UBE2K: variants seen among roughly 807,000 people sequenced by gnomAD.
The protein encoded by UBE2K is ubiquitin conjugating enzyme E2 K.
In UBE2K, 6 loss-of-function variants were observed where a neutral mutation model predicts 30.0. The observed-to-expected ratio is 0.20, with a 90% confidence interval of 0.11 to 0.39. The LOEUF is 0.39. UBE2K is among the 10% of genes least tolerant of loss of function. The pLI is 1.00. For synonymous variants in UBE2K, 86 were observed against 83.7 expected (o/e 1.03, Z -0.15); for missense variants, 61 against 241.6 (o/e 0.25, Z 4.96).
intron 1 of UBE2K, among the ~76,000 whole-genome samples, chr4:39,721,000 G>A (rs1719391740): frequency 6.6e-6 from 1 of 152,082 alleles, no homozygotes; most frequent in African/African-American, 2.4e-5. Context: ...TCCTGCCTTG[G>A]CTTTCTAAAA....
intron 1 of UBE2K, among the ~76,000 whole-genome samples, chr4:39,715,204 A>AT (rs1718986826): frequency 6.7e-6 from 1 of 149,572 alleles, no homozygotes; most frequent in African/African-American, 2.5e-5. Context: ...TTTTTTTTGT[A>AT]TTTTTTAGTA....
At chr4:39,747,143 T>A (rs1481673320) in intron 3 of UBE2K, among the ~76,000 whole-genome samples, 1 of 152,250 alleles carries the variant, frequency 6.6e-6, no homozygotes, top group Non-Finnish European at 1.5e-5. Flanking sequence ...ATTAGTCTAT[T>A]GTTTATGTAC....
At chr4:39,728,381 G>A (rs1036988272) in intron 1 of UBE2K, among the ~76,000 whole-genome samples, 10 of 152,174 alleles carry the variant, frequency 6.6e-5, no homozygotes, top group African/African-American at 2.4e-4. Flanking sequence ...AGACTGAGGC[G>A]GGAGAATTGC....
intron 3 of UBE2K, among the ~76,000 whole-genome samples, chr4:39,754,788 T>A (rs888131507): frequency 6.6e-6 from 1 of 152,162 alleles, no homozygotes. Flanking sequence ...TTACAGTGTG[T>A]GAGTGCTAAT....
At chr4:39,760,176 C>CAAAAAAAAAAAAAAAAAAAA (rs71194913) in intron 4 of UBE2K, among the ~76,000 whole-genome samples, 2 of 77,178 alleles carry the variant, frequency 2.6e-5, no homozygotes, top group Non-Finnish European at 4.5e-5. Flanking sequence ...GACTCTGTCA[C>CAAAAAAAAAAAAAAAAAAAA]AAAAAAAAAA....
chr4:39,720,832 C>G (rs954108105), intron 1 of UBE2K, among the ~76,000 whole-genome samples: 5 of 152,152 alleles, frequency 3.3e-5, no homozygotes, highest in Admixed American at 3.3e-4. Context: ...TAACCCTGAA[C>G]TCCAGGGCTC....
intron 4 of UBE2K, chr4:39,770,521 C>A (rs1377371636): frequency 6.2e-7 from 1 of 1,605,646 alleles, no homozygotes; most frequent in Non-Finnish European, 8.5e-7. Flanking sequence ...TGGCTGCCCC[C>A]CGCCCCCCGG....
At chr4:39,711,163 CTTTT>C (rs34401637) in intron 1 of UBE2K, among the ~76,000 whole-genome samples, 1 of 122,096 alleles carries the variant, frequency 8.2e-6, no homozygotes, top group Admixed American at 8.3e-5. Context: ...AACTTTTTCT[CTTTT>C]TTTTTTTTTT....
At chr4:39,702,376 T>C (rs1394936961) in intron 1 of UBE2K, among the ~76,000 whole-genome samples, 1 of 151,208 alleles carries the variant, frequency 6.6e-6, no homozygotes, top group African/African-American at 2.4e-5. Context: ...TGCCTCGGCC[T>C]CCTGAGTAGC....
At chr4:39,747,968 A>C (rs1008014957) in intron 3 of UBE2K, among the ~76,000 whole-genome samples, 1 of 151,880 alleles carries the variant, frequency 6.6e-6, no homozygotes, top group African/African-American at 2.4e-5. Context: ...AGCCCAGCTA[A>C]TTTTTGTATT....
At chr4:39,747,278 C>G (rs996731137) in intron 3 of UBE2K, among the ~76,000 whole-genome samples, 3 of 151,562 alleles carry the variant, frequency 2.0e-5, no homozygotes, top group African/African-American at 7.3e-5. Context: ...TGTTGTTTAA[C>G]CTTTACCATT....
At chr4:39,727,365 A>AT (rs1247313234) in intron 1 of UBE2K, among the ~76,000 whole-genome samples, 1 of 152,048 alleles carries the variant, frequency 6.6e-6, no homozygotes, top group African/African-American at 2.4e-5. Context: ...AAGGTTTCTT[A>AT]TGGGGGGAGC....
intron 2 of UBE2K, among the ~76,000 whole-genome samples, chr4:39,741,979 A>G (rs974786770): frequency 6.6e-5 from 10 of 152,174 alleles, no homozygotes; most frequent in African/African-American, 1.4e-4. Context: ...AAATAATGCT[A>G]TGATTAATGC....
intron 1 of UBE2K, among the ~76,000 whole-genome samples, chr4:39,717,058 T>G (rs75625038): frequency 3.8e-4 from 56 of 148,338 alleles, no homozygotes; most frequent in Non-Finnish European, 6.4e-4. Flanking sequence ...CCTAAACTAC[T>G]CTGGATGCTG....
chr4:39,749,055 A>G (rs555144640), intron 3 of UBE2K, among the ~76,000 whole-genome samples: 124 of 152,288 alleles, frequency 8.1e-4, no homozygotes, highest in South Asian at 3.7e-3. Flanking sequence ...TTATGAGGTA[A>G]AATTATCAAG....
At chr4:39,764,792 C>CTGTAGTAGATTG (rs1712205209) in intron 4 of UBE2K, among the ~76,000 whole-genome samples, 1 of 151,950 alleles carries the variant, frequency 6.6e-6, no homozygotes, top group African/African-American at 2.4e-5. Context: ...AATCTAGAGT[C>CTGTAGTAGATTG]TGTAGTAGAT....
intron 4 of UBE2K, 53 bp from the exon 5 acceptor site, chr4:39,774,781 C>T (rs2109414133): frequency 1.7e-6 from 2 of 1,146,142 alleles, no homozygotes; most frequent in East Asian, 5.4e-5. Flanking sequence ...AAATACTTTG[C>T]TTTTGCCTGC....
At chr4:39,747,644 T>C (rs1432386119) in intron 3 of UBE2K, among the ~76,000 whole-genome samples, 1 of 152,080 alleles carries the variant, frequency 6.6e-6, no homozygotes, top group Middle Eastern at 3.2e-3. Context: ...TGAGATGGAG[T>C]CTTGCTCTGT....
chr4:39,698,715 G>A (rs1182635935), intron 1 of UBE2K, among the ~76,000 whole-genome samples: 2 of 152,292 alleles, frequency 1.3e-5, no homozygotes, highest in East Asian at 1.9e-4. Context: ...GCTGTGGGGT[G>A]GGGAGGGAGC....
Sources: gnomAD v4.1 joint callset for allele counts (sites outside exome capture counted in the v4.1 genomes callset) on GRCh38, gnomAD v4.1.1 for gene constraint, MANE v1.5 for transcripts, NCBI Gene and HGNC (gene_info 2026-07-23, HGNC 2026-07-21) for gene names.